NRXN3: variants seen among roughly 807,000 people sequenced by gnomAD.
The protein encoded by NRXN3 is neurexin 3.
In NRXN3, 32 loss-of-function variants were observed where a neutral mutation model predicts 137.6. The ratio of observed to expected loss-of-function variants is 0.23; its 90% confidence interval spans 0.18 to 0.31. NRXN3 has a LOEUF of 0.31. NRXN3 is among the 10% of genes least tolerant of loss of function. NRXN3 has a pLI of 1.00. For missense variants in NRXN3, 1,574 were observed against 2,062.5 expected (o/e 0.76, Z 4.59); for synonymous variants, 798 against 784.5 (o/e 1.02, Z -0.29).
chr14:79,453,458 G>A (rs528600428), intron 15 of NRXN3, among the ~76,000 whole-genome samples: 34 of 152,358 alleles, frequency 2.2e-4, no homozygotes, highest in Middle Eastern at 3.4e-3. Flanking sequence ...CTGAAGGCCA[G>A]AGAGAAAGGC....
chr14:78,371,474 C>T (rs2086817982), intron 4 of NRXN3, among the ~76,000 whole-genome samples: 1 of 152,194 alleles, frequency 6.6e-6, no homozygotes, highest in Non-Finnish European at 1.5e-5. Context: ...CCTGATTCTT[C>T]CTGGACACTG....
At chr14:78,315,896 T>C (rs2078656886) in intron 4 of NRXN3, among the ~76,000 whole-genome samples, 2 of 152,334 alleles carry the variant, frequency 1.3e-5, no homozygotes, top group South Asian at 4.1e-4. Flanking sequence ...AGTTAACTGA[T>C]GGCAACTCAT....
At chr14:79,726,603 C>T (rs764502680) in intron 19 of NRXN3, among the ~76,000 whole-genome samples, 2 of 152,074 alleles carry the variant, frequency 1.3e-5, no homozygotes, top group Non-Finnish European at 2.9e-5. Context: ...TTACCTGCTT[C>T]CCCCAGTAGA....
At chr14:79,816,240 C>A (rs2099251015) in intron 20 of NRXN3, among the ~76,000 whole-genome samples, 1 of 152,156 alleles carries the variant, frequency 6.6e-6, no homozygotes, top group African/African-American at 2.4e-5. Context: ...TGAAAATAGA[C>A]ATTTTCTTTA....
chr14:78,891,297 A>G (rs555321382), intron 10 of NRXN3, among the ~76,000 whole-genome samples: 5 of 152,112 alleles, frequency 3.3e-5, no homozygotes, highest in Non-Finnish European at 7.4e-5. Flanking sequence ...CTAATGAAGT[A>G]ACTAAAACTT....
At chr14:79,691,950 C>G (rs2098718348) in intron 17 of NRXN3, among the ~76,000 whole-genome samples, 2 of 151,980 alleles carry the variant, frequency 1.3e-5, no homozygotes, top group African/African-American at 4.8e-5. Context: ...ATTCCCATTC[C>G]ATGCCACTTT....
chr14:78,354,300 T>C (rs1447108870), intron 4 of NRXN3, among the ~76,000 whole-genome samples: 5 of 152,174 alleles, frequency 3.3e-5, no homozygotes, highest in Admixed American at 3.3e-4. Flanking sequence ...AAAGCAGCCA[T>C]AGGATCCAGA....
chr14:78,548,887 C>T (rs1037321338), intron 4 of NRXN3, among the ~76,000 whole-genome samples: 2 of 152,182 alleles, frequency 1.3e-5, no homozygotes, highest in African/African-American at 4.8e-5. Context: ...ACCTGAAGAA[C>T]CTCCAGCTGT....
At chr14:79,604,327 T>C (rs530537895) in intron 16 of NRXN3, among the ~76,000 whole-genome samples, 4 of 151,890 alleles carry the variant, frequency 2.6e-5, no homozygotes, top group Non-Finnish European at 4.4e-5. Context: ...CTCTGCCTCC[T>C]GGGTTCAAGC....
At chr14:78,882,361 G>A (rs1025406611) in intron 10 of NRXN3, among the ~76,000 whole-genome samples, 2 of 151,688 alleles carry the variant, frequency 1.3e-5, no homozygotes, top group Non-Finnish European at 2.9e-5. Flanking sequence ...TTATGTGGCT[G>A]GAAAAGCTGC....
At chr14:78,729,489 G>A (rs1414824299) in intron 8 of NRXN3, among the ~76,000 whole-genome samples, 2 of 152,144 alleles carry the variant, frequency 1.3e-5, no homozygotes, top group Non-Finnish European at 2.9e-5. Context: ...AGTAAATTCA[G>A]GATTGAGAAA....
chr14:78,291,703 A>G (rs1214016471), intron 3 of NRXN3, among the ~76,000 whole-genome samples: 2 of 152,138 alleles, frequency 1.3e-5, no homozygotes, highest in Non-Finnish European at 1.5e-5. Context: ...ATTTTGCGTA[A>G]TTACTCTTTT....
chr14:79,508,390 A>ATTTTTTTTTTTTTTTTTTTTTTTTTTT, intron 16 of NRXN3, among the ~76,000 whole-genome samples: 502 of 48,178 alleles, frequency 0.01, 183 homozygotes, highest in East Asian at 0.015. Flanking sequence ...ACAATAACTG[A>ATTTTTTTTTTTTTTTTTTTTTTTTTTT]TTTTTTTTTT....
At chr14:79,652,714 T>A (rs1026272922) in intron 16 of NRXN3, among the ~76,000 whole-genome samples, 32 of 152,108 alleles carry the variant, frequency 2.1e-4, no homozygotes, top group Admixed American at 1.4e-3. Flanking sequence ...GGGTCACCTT[T>A]ACTAATTTCA....
rs145197160 is a variant in NRXN3, at chr14:79,555,624, T to C, written c.3444+88222T>C. 4.1e-3 allele frequency among the ~76,000 whole-genome samples: 630 copies of C among 152,020 alleles called. 9 individuals carry two copies. The highest frequency in any genetic ancestry group is 0.014 in the African/African-American group (591 of 41,488). ...AGATTTCAAAATGACTTCTCAGAGA[T>C]GGTGAGTTCTGAGCTGGGTGGTGAA... On this transcript the variant is annotated intron_variant, in intron 16 of 20. Transcript: ENST00000335750.
chr14:79,802,188 AT>A (rs1186974353), intron 19 of NRXN3, among the ~76,000 whole-genome samples: 1 of 152,190 alleles, frequency 6.6e-6, no homozygotes, highest in African/African-American at 2.4e-5. Context: ...CATTTGTTCA[AT>A]GGCCTTTAAA....
At chr14:78,735,912 A>G (rs2098539126) in intron 8 of NRXN3, among the ~76,000 whole-genome samples, 1 of 152,186 alleles carries the variant, frequency 6.6e-6, no homozygotes, top group South Asian at 2.1e-4. Flanking sequence ...CATCCCCATT[A>G]GATGGAAAAC....
At position 79,384,873 on chromosome 14, in the gene NRXN3, C is replaced by T. The variant is rs968128634; in HGVS notation, c.3263-82348C>T. ...AATAATGCATGTAAGTAAAATAACC[C>T]AGCTATTGGAACAATCGCTGCTGTA... is the stretch of plus-strand genomic sequence containing the variant. On this transcript the variant is annotated intron_variant, in intron 15 of 20. Transcript: ENST00000335750. Among the ~76,000 whole-genome samples the T allele has an allele frequency of 3.9e-5, 6 of 152,202 alleles. No individual in the cohort carries two copies. The South Asian group carries it at 8.3e-4, about 21-fold the overall frequency.
intron 16 of NRXN3, among the ~76,000 whole-genome samples, chr14:79,515,066 T>C (rs530271270): frequency 6.6e-6 from 1 of 150,562 alleles, no homozygotes; most frequent in African/African-American, 2.5e-5. Flanking sequence ...TGGCAGAGCC[T>C]CAGAGGATTG....
Sources: allele counts gnomAD v4.1 joint callset (sites outside exome capture counted in the v4.1 genomes callset), GRCh38; gene constraint gnomAD v4.1.1; transcripts MANE v1.5; gene names NCBI Gene and HGNC (gene_info 2026-07-23, HGNC 2026-07-21).